Variants in PRKCE observed in about 807,000 individuals in gnomAD.
PRKCE encodes the protein protein kinase C epsilon.
PRKCE carries 16 observed loss-of-function variants against 85.4 expected under a neutral mutation model. The observed-to-expected ratio is 0.19, with a 90% confidence interval of 0.13 to 0.28. The LOEUF is 0.28. Ranked by LOEUF, PRKCE falls within the 10% of genes least tolerant of loss-of-function variation. The probability of loss-of-function intolerance (pLI) is 1.00; values close to 1 mark genes in which losing one functional copy is unlikely to be tolerated. For missense variants in PRKCE, 573 were observed against 975.2 expected (o/e 0.59, Z 5.49); for synonymous variants, 388 against 371.5 (o/e 1.04, Z -0.51).
At chr2:46,101,951 A>G (rs1338598300) in intron 11 of PRKCE, among the ~76,000 whole-genome samples, 2 of 151,952 alleles carry the variant, frequency 1.3e-5, no homozygotes, top group African/African-American at 4.8e-5. Flanking sequence ...GGCCAGTTTC[A>G]GGCTATCCAT....
chr2:46,173,829 G>C (rs1435735743), intron 14 of PRKCE, among the ~76,000 whole-genome samples: 2 of 152,252 alleles, frequency 1.3e-5, no homozygotes, highest in Non-Finnish European at 2.9e-5. Context: ...ATCTCTATTT[G>C]CTGAGTGTAG....
At chr2:46,066,069 A>G (rs1397060163) in intron 10 of PRKCE, among the ~76,000 whole-genome samples, 6 of 152,240 alleles carry the variant, frequency 3.9e-5, no homozygotes, top group Admixed American at 6.5e-5. Context: ...TCCAACTGTC[A>G]TTTTAACCTT....
At chr2:45,921,109 G>T (rs1048264341) in intron 2 of PRKCE, among the ~76,000 whole-genome samples, 1 of 152,236 alleles carries the variant, frequency 6.6e-6, no homozygotes, top group Non-Finnish European at 1.5e-5. Context: ...TCACAAAATC[G>T]AAATAAACTG....
chr2:45,784,919 A>T (rs1686476331), intron 1 of PRKCE, among the ~76,000 whole-genome samples: 1 of 152,216 alleles, frequency 6.6e-6, no homozygotes, highest in South Asian at 2.1e-4. Context: ...CAAACTGTAC[A>T]CTTAAGATCT....
chr2:45,744,478 T>C (rs868512431), intron 1 of PRKCE, among the ~76,000 whole-genome samples: 2,787 of 58,262 alleles, frequency 0.048, 120 homozygotes, highest in Middle Eastern at 0.11. Flanking sequence ...TCTTTCTTTC[T>C]TTCTTTCTTT....
chr2:45,693,976 C>A (rs981366799), intron 1 of PRKCE, among the ~76,000 whole-genome samples: 3 of 151,914 alleles, frequency 2.0e-5, no homozygotes, highest in East Asian at 1.9e-4. Flanking sequence ...AAGTCCGACT[C>A]GTGTGGAAAT....
chr2:46,116,737 G>A (rs919943711), intron 11 of PRKCE, among the ~76,000 whole-genome samples: 1 of 94,524 alleles, frequency 1.1e-5, no homozygotes, highest in African/African-American at 3.3e-5. Flanking sequence ...TGAGAAGGAT[G>A]CCTGTTCGGA....
intron 2 of PRKCE, among the ~76,000 whole-genome samples, chr2:45,862,991 C>CCTCTACTTG (rs2105674144): frequency 6.6e-6 from 1 of 152,310 alleles, no homozygotes; most frequent in Admixed American, 6.5e-5. Context: ...GTCTCCACCC[C>CCTCTACTTG]CTCTACTTGC....
intron 10 of PRKCE, among the ~76,000 whole-genome samples, chr2:46,030,181 T>C (rs755884356): frequency 1.3e-5 from 2 of 152,136 alleles, no homozygotes; most frequent in Non-Finnish European, 2.9e-5. Context: ...TGGACAATAT[T>C]CTAGGCATCC....
In PRKCE at chr2:45,817,546, C is replaced by T. The variant is rs984656878; in HGVS notation, c.349-25454C>T. On this transcript the variant is annotated intron_variant, in intron 1 of 14. Transcript: ENST00000306156. ...GTCTCTAATAAAAATACAAAAAAAT[C>T]AGCCGGGCATGGTGGTGGGCGCCTG... is the stretch of plus-strand genomic sequence containing the variant. Among the ~76,000 whole-genome samples, 14 of 151,262 alleles carry T rather than the reference C, an allele frequency of 9.3e-5. 1 individual carries two copies. In the East Asian group the frequency reaches 2.3e-3, roughly 25 times the overall value.
rs1441124159 is a variant in PRKCE, at chr2:46,010,326, G to A, written c.1264-18G>A. Reference sequence around the variant, plus strand: ...TCCATACATGCATAGATTGATGGAGGCAATTGATTGATTGCAGGTCATGTT... The same window carrying A: ...TCCATACATGCATAGATTGATGGAGACAATTGATTGATTGCAGGTCATGTT... On this transcript the variant is annotated intron_variant, in intron 9 of 14. Transcript: ENST00000306156. The A allele has an allele frequency of 1.9e-6, 3 of 1,579,708 alleles. No homozygotes were observed. In the African/African-American group the frequency reaches 4.0e-5, roughly 21 times the overall value.
chr2:46,063,739 C>T (rs940807935), intron 10 of PRKCE, among the ~76,000 whole-genome samples: 10 of 152,320 alleles, frequency 6.6e-5, no homozygotes, highest in Non-Finnish European at 1.2e-4. Context: ...ATCGCCACTT[C>T]CTTCTGGGGT....
chr2:45,860,792 T>G lies in PRKCE; in HGVS notation c.412+17729T>G, dbSNP rs540217726. 9.6e-4 allele frequency among the ~76,000 whole-genome samples: 146 copies of G among 152,256 alleles called. 3 individuals are homozygous for G. The highest frequency in any genetic ancestry group is 1.5e-3 in the Non-Finnish European group (100 of 68,020). On this transcript the variant is annotated intron_variant, in intron 2 of 14. Transcript: ENST00000306156. Reference sequence around the variant, plus strand: ...TACACTCTTGGGGAACAGGCATCCCTTTGTAGATCTGCAGCACTCTCCTGG... The same window carrying G: ...TACACTCTTGGGGAACAGGCATCCCGTTGTAGATCTGCAGCACTCTCCTGG...
chr2:46,007,075 A>G (rs1705269473), intron 8 of PRKCE, among the ~76,000 whole-genome samples: 1 of 152,202 alleles, frequency 6.6e-6, no homozygotes, highest in Non-Finnish European at 1.5e-5. Context: ...TCTCATCTTC[A>G]GAGGAAACTT....
chr2:46,059,819 AAAC>A (rs375770528), intron 10 of PRKCE, among the ~76,000 whole-genome samples: 3 of 152,118 alleles, frequency 2.0e-5, no homozygotes, highest in South Asian at 2.1e-4. Flanking sequence ...TGTCTCTTTA[AAAC>A]AACAACAACA....
At position 46,159,295 on chromosome 2, in the gene PRKCE, C is replaced by G. The variant is rs1241397226; in HGVS notation, c.1921-311C>G. Among the ~76,000 whole-genome samples, 1 of 152,208 alleles carries G rather than the reference C, an allele frequency of 6.6e-6. No individual in the cohort carries two copies. The highest frequency in any genetic ancestry group is 2.4e-5 in the African/African-American group (1 of 41,440). On this transcript the variant is annotated intron_variant, in intron 13 of 14. Coordinates refer to ENST00000306156, the MANE Select transcript of PRKCE (RefSeq NM_005400.3). The surrounding 1 kb of genome is among the most constrained non-coding windows in gnomAD (Gnocchi z 4.1). ...GCTTGGTCCCTTACTAGCTGGGTGA[C>G]TTTGGCCAAATTAGCTGACCTCTGT...
In PRKCE at chr2:46,001,566, T is replaced by A; in HGVS notation, c.966+20T>A. 6.3e-7 allele frequency: 1 copy of A among 1,595,090 alleles called. No homozygotes were observed. Among genetic ancestry groups the A allele is most frequent in the Non-Finnish European group, 8.5e-7 (1 of 1,177,262 alleles). On this transcript the variant is annotated intron_variant, in intron 7 of 14. Coordinates refer to ENST00000306156, the MANE Select transcript of PRKCE (RefSeq NM_005400.3). The surrounding 1 kb of genome is among the most constrained non-coding windows in gnomAD (Gnocchi z 4.4). ...AAAAAGGTAACTGGCTGTTTGGTGG[T>A]GTTGCTGGAGCCCTTTTCAGGCTAG...
chr2:45,850,927 A>C (rs1692197847), intron 2 of PRKCE, among the ~76,000 whole-genome samples: 1 of 152,214 alleles, frequency 6.6e-6, no homozygotes, highest in African/African-American at 2.4e-5. Flanking sequence ...GCTAATGAAC[A>C]CAGTGCCTGC....
intron 2 of PRKCE, among the ~76,000 whole-genome samples, chr2:45,883,805 G>A (rs1323047599): frequency 6.6e-6 from 1 of 152,198 alleles, no homozygotes; most frequent in Non-Finnish European, 1.5e-5. Flanking sequence ...AACAGGGTAT[G>A]GGTCACACAC....
Sources: gnomAD v4.1 joint callset for allele counts (sites outside exome capture counted in the v4.1 genomes callset) on GRCh38, gnomAD v4.1.1 for gene constraint, Gnocchi (gnomAD v3.1) non-coding constraint, MANE v1.5 for transcripts, NCBI Gene and HGNC (gene_info 2026-07-23, HGNC 2026-07-21) for gene names.